CACNA2D3: variants seen among roughly 807,000 people sequenced by gnomAD.
The protein encoded by CACNA2D3 is calcium voltage-gated channel auxiliary subunit alpha2delta 3.
In CACNA2D3, 60 loss-of-function variants were observed where a neutral mutation model predicts 160.6. That is an observed-to-expected ratio of 0.37 (90% CI 0.30 to 0.46). The LOEUF (loss-of-function observed/expected upper bound fraction) is 0.46, where lower values mean the gene tolerates loss of function less well. Among genes scored for constraint, CACNA2D3 ranks in the 20% least tolerant of loss-of-function variants. CACNA2D3 has a pLI of 1.00. For synonymous variants in CACNA2D3, 558 were observed against 492.9 expected, an observed-to-expected ratio of 1.13 and a Z score of -1.75; for missense variants, 1,205 against 1,365.0, an observed-to-expected ratio of 0.88 and a Z score of 1.85.
chr3:54,212,535 A>G (rs1439515099), intron 2 of CACNA2D3, among the ~76,000 whole-genome samples: 15 of 152,134 alleles, frequency 9.9e-5, no homozygotes, highest in Non-Finnish European at 1.5e-4. Flanking sequence ...CGTCAGAGAG[A>G]ATAGATTGTA....
intron 8 of CACNA2D3, among the ~76,000 whole-genome samples, chr3:54,580,672 G>C (rs1177156077): frequency 1.3e-5 from 2 of 152,226 alleles, no homozygotes; most frequent in Non-Finnish European, 2.9e-5. Flanking sequence ...TAACACCGAA[G>C]GACCAGGCAT....
At chr3:54,525,768 C>T (rs1463577502) in intron 5 of CACNA2D3, among the ~76,000 whole-genome samples, 1 of 150,072 alleles carries the variant, frequency 6.7e-6, no homozygotes, top group Non-Finnish European at 1.5e-5. Flanking sequence ...TTTTCCTTGT[C>T]TTTGGCCTTC....
intron 5 of CACNA2D3, among the ~76,000 whole-genome samples, chr3:54,549,534 T>C (rs1194646146): frequency 6.6e-6 from 1 of 152,226 alleles, no homozygotes; most frequent in Non-Finnish European, 1.5e-5. Flanking sequence ...CATAATCCCC[T>C]GATCTCCCTG....
intron 11 of CACNA2D3, among the ~76,000 whole-genome samples, chr3:54,657,158 T>C (rs1012069974): frequency 6.6e-6 from 1 of 152,004 alleles, no homozygotes; most frequent in African/African-American, 2.4e-5. Context: ...CACAAGACAA[T>C]GTCTTCAGTT....
At chr3:54,169,914 G>T in intron 2 of CACNA2D3, among the ~76,000 whole-genome samples, 1 of 152,122 alleles carries the variant, frequency 6.6e-6, no homozygotes, top group Non-Finnish European at 1.5e-5. Context: ...ATGGCCGAGC[G>T]TGGTGGCTCA....
intron 11 of CACNA2D3, among the ~76,000 whole-genome samples, chr3:54,655,063 G>A (rs149589196): frequency 2.6e-5 from 4 of 152,344 alleles, no homozygotes; most frequent in African/African-American, 9.6e-5. Context: ...CGTGTGCTTG[G>A]TGCTGGACAT....
At chr3:54,837,837 T>C (rs1193680221) in intron 15 of CACNA2D3, among the ~76,000 whole-genome samples, 1 of 152,182 alleles carries the variant, frequency 6.6e-6, no homozygotes, top group Non-Finnish European at 1.5e-5. Context: ...AGTCATGGGA[T>C]TTAGAGCCCA....
intron 14 of CACNA2D3, among the ~76,000 whole-genome samples, chr3:54,822,945 C>T (rs1419935947): frequency 6.6e-6 from 1 of 151,516 alleles, no homozygotes; most frequent in Non-Finnish European, 1.5e-5. Flanking sequence ...ACCTCTGCCT[C>T]CTGGGTTCAA....
chr3:54,914,985 T>G (rs1227917599), intron 27 of CACNA2D3, among the ~76,000 whole-genome samples: 1 of 152,218 alleles, frequency 6.6e-6, no homozygotes, highest in Non-Finnish European at 1.5e-5. Context: ...CCTTTGATAT[T>G]TAGGATCTAA....
intron 2 of CACNA2D3, among the ~76,000 whole-genome samples, chr3:54,190,742 A>G (rs985704656): frequency 6.6e-6 from 1 of 152,196 alleles, no homozygotes; most frequent in African/African-American, 2.4e-5. Context: ...AAAATACTCC[A>G]GATACATTTT....
At chr3:54,468,292 C>T (rs975425976) in intron 4 of CACNA2D3, among the ~76,000 whole-genome samples, 2 of 152,148 alleles carry the variant, frequency 1.3e-5, no homozygotes, top group African/African-American at 4.8e-5. Flanking sequence ...TGAGCTGAAG[C>T]AGAGTAGGGC....
rs566143389 is a variant in CACNA2D3, at chr3:54,988,651, T to G, written c.2690+898T>G. On this transcript the variant is annotated intron_variant, in intron 31 of 37. Transcript: ENST00000474759. ...GCCAGTGGGTAGGCAGGCCCCTGGT[T>G]TATTACTCTTCTGCGGCTGAATGGC... Among the ~76,000 whole-genome samples the G allele has an allele frequency of 2.2e-4, 34 of 152,326 alleles. No homozygotes were observed. The South Asian group carries it at 6.6e-3, about 30-fold the overall frequency.
At chr3:54,418,242 C>T (rs992842573) in intron 4 of CACNA2D3, among the ~76,000 whole-genome samples, 3 of 152,184 alleles carry the variant, frequency 2.0e-5, no homozygotes, top group African/African-American at 7.2e-5. Flanking sequence ...CTTTGACTTA[C>T]TTGGAAGTAA....
At chr3:54,741,689 T>C (rs1701652658) in intron 11 of CACNA2D3, among the ~76,000 whole-genome samples, 1 of 152,120 alleles carries the variant, frequency 6.6e-6, no homozygotes, top group Non-Finnish European at 1.5e-5. Context: ...TGGTCTGCTT[T>C]GGAGTTTTCC....
intron 2 of CACNA2D3, among the ~76,000 whole-genome samples, chr3:54,167,143 T>C (rs921800336): frequency 1.3e-5 from 2 of 152,194 alleles, no homozygotes; most frequent in Non-Finnish European, 2.9e-5. Context: ...CCACCTTGCA[T>C]TCTTATTGAG....
chr3:54,234,499 A>G (rs577793080), intron 2 of CACNA2D3, among the ~76,000 whole-genome samples: 49 of 152,176 alleles, frequency 3.2e-4, no homozygotes, highest in Non-Finnish European at 6.0e-4. Flanking sequence ...CAGCAATCCC[A>G]TTTACTGAGT....
At chr3:55,026,034 G>A (rs1224210106) in intron 35 of CACNA2D3, among the ~76,000 whole-genome samples, 1 of 151,968 alleles carries the variant, frequency 6.6e-6, no homozygotes, top group African/African-American at 2.4e-5. Context: ...TGCACAAAGT[G>A]AATATTCCTG....
chr3:54,795,496 G>A (rs1702850223), intron 13 of CACNA2D3, among the ~76,000 whole-genome samples: 1 of 152,130 alleles, frequency 6.6e-6, no homozygotes, highest in Non-Finnish European at 1.5e-5. Context: ...GTTTCTGAGT[G>A]TCTGGATTTT....
At chr3:54,349,005 G>T (rs1698506060) in intron 3 of CACNA2D3, among the ~76,000 whole-genome samples, 1 of 152,198 alleles carries the variant, frequency 6.6e-6, no homozygotes, top group Non-Finnish European at 1.5e-5. Flanking sequence ...TGGGATTACA[G>T]GCATGAGCCA....
Sources: gnomAD v4.1 joint callset for allele counts (sites outside exome capture counted in the v4.1 genomes callset) on GRCh38, gnomAD v4.1.1 for gene constraint, MANE v1.5 for transcripts, NCBI Gene and HGNC (gene_info 2026-07-23, HGNC 2026-07-21) for gene names.